CFAP92: variants seen among roughly 807,000 people sequenced by gnomAD.
CFAP92 encodes the protein cilia and flagella associated protein 92 (putative), also known as uncharacterized protein CFAP92.
In CFAP92, 86 loss-of-function variants were observed where a neutral mutation model predicts 106.3. The observed-to-expected ratio is 0.81, with a 90% confidence interval of 0.68 to 0.97. The LOEUF is 0.97. Ranked by LOEUF, CFAP92 falls within the 50% of genes least tolerant of loss-of-function variation. The pLI is 0.00. For synonymous variants in CFAP92, 477 were observed against 506.4 expected (o/e 0.94, Z 0.78); for missense variants, 1,204 against 1,283.8 (o/e 0.94, Z 0.95).
chr3:129,001,935 G>A (rs1159351752), intron 1 of CFAP92: 1 of 1,541,294 alleles, frequency 6.5e-7, no homozygotes, highest in Non-Finnish European at 8.8e-7. Flanking sequence ...AGCAGGTGAC[G>A]GGAACTCCAG....
At chr3:128,956,911 C>G (rs891933136) in intron 9 of CFAP92, among the ~76,000 whole-genome samples, 2 of 145,272 alleles carry the variant, frequency 1.4e-5, no homozygotes, top group African/African-American at 5.3e-5. Flanking sequence ...ACCCAGGAGG[C>G]AGACGTTGCA....
chr3:128,956,734 C>T (rs1297755401), intron 9 of CFAP92, among the ~76,000 whole-genome samples: 1 of 151,636 alleles, frequency 6.6e-6, no homozygotes, highest in African/African-American at 2.4e-5. Context: ...AACCCCAGCA[C>T]TTTGGGAGGC....
chr3:128,915,683 C>T, intron 13 of CFAP92, 120 bp from the exon 14 acceptor site: 1 of 687,534 alleles, frequency 1.5e-6, no homozygotes. Flanking sequence ...GTAAATAGTG[C>T]ATTGAGAGGA....
chr3:128,989,424 T>C (rs1944077151), intron 2 of CFAP92, among the ~76,000 whole-genome samples: 1 of 152,062 alleles, frequency 6.6e-6, no homozygotes, highest in Admixed American at 6.5e-5. Flanking sequence ...CAGGGGGACC[T>C]TAGCAGAGTC....
the CFAP92 span, among the ~76,000 whole-genome samples, chr3:129,011,459 G>A: frequency 6.6e-6 from 1 of 151,866 alleles, no homozygotes; most frequent in Non-Finnish European, 1.5e-5. Context: ...GCTGAGGCAG[G>A]AGAATTGCTT....
At chr3:128,948,432 C>T (rs184965348) in intron 9 of CFAP92, among the ~76,000 whole-genome samples, 2 of 138,144 alleles carry the variant, frequency 1.4e-5, no homozygotes, top group Non-Finnish European at 3.1e-5. Context: ...CCATGTTGCC[C>T]AGGCTGGTCT....
At chr3:129,003,102 T>C (rs1322781313), upstream of CFAP92, among the ~76,000 whole-genome samples, 1 of 152,040 alleles carries the variant, frequency 6.6e-6, no homozygotes, top group Non-Finnish European at 1.5e-5. Context: ...GAAACTGACA[T>C]TATATGACCC....
chr3:129,001,732 C>T (rs2107843878), intron 1 of CFAP92: 1 of 1,527,288 alleles, frequency 6.5e-7, no homozygotes, highest in East Asian at 2.6e-5. Context: ...AGCGCCCTGG[C>T]GCACCACTAC....
chr3:129,021,421 C>T, the CFAP92 span, among the ~76,000 whole-genome samples: 1 of 152,126 alleles, frequency 6.6e-6, no homozygotes, highest in Non-Finnish European at 1.5e-5. Context: ...ACTCATGGTG[C>T]TTAAGCTGCT....
At chr3:128,917,832 A>G (rs1936943620) in intron 12 of CFAP92, among the ~76,000 whole-genome samples, 1 of 152,236 alleles carries the variant, frequency 6.6e-6, no homozygotes, top group African/African-American at 2.4e-5. Flanking sequence ...AAAATTAGAA[A>G]CTGAGTATAG....
At chr3:129,009,714 G>A in the CFAP92 span, among the ~76,000 whole-genome samples, 1,337 of 152,316 alleles carry the variant, frequency 8.8e-3, 21 homozygotes, top group African/African-American at 0.03. Flanking sequence ...TCGCAGCCCA[G>A]TCCTTTTCTT....
chr3:129,004,961 G>T (rs1213097398), upstream of CFAP92, among the ~76,000 whole-genome samples: 1 of 152,200 alleles, frequency 6.6e-6, no homozygotes, highest in African/African-American at 2.4e-5. Context: ...TGGGGTCCCT[G>T]CCTGTGGGAG....
chr3:128,920,469 C>T (rs1171869572), intron 12 of CFAP92, among the ~76,000 whole-genome samples: 3 of 152,028 alleles, frequency 2.0e-5, no homozygotes, highest in Non-Finnish European at 1.5e-5. Flanking sequence ...TCACCAGACA[C>T]CTGGAACCTA....
chr3:128,925,663 TTTAAAAC>T (rs1937595322), intron 12 of CFAP92, among the ~76,000 whole-genome samples: 1 of 152,022 alleles, frequency 6.6e-6, no homozygotes, highest in South Asian at 2.1e-4. Context: ...TCCTAGAACT[TTTAAAAC>T]TTAAAAAAAA....
chr3:128,998,117 A>G (rs1944549746), upstream of CFAP92, among the ~76,000 whole-genome samples: 1 of 152,184 alleles, frequency 6.6e-6, no homozygotes, highest in Non-Finnish European at 1.5e-5. Flanking sequence ...GTCTGTTTGT[A>G]TCTTCACCCA....
Position 128,915,037 on chromosome 3 carries a change from C to T in CFAP92, c.3280+82G>A. 3.6e-6 allele frequency: 5 copies of T among 1,371,002 alleles called. No individual in the cohort carries two copies. The African/African-American group carries it at 4.3e-5, about 12-fold the overall frequency. 84.9% of individuals were successfully genotyped at this position (1,371,002 alleles called of 1,614,324 possible). A position where few individuals can be genotyped will look rare whatever the true frequency, so the allele number is the denominator to read the frequency against. On this transcript the variant is annotated intron_variant, in intron 15 of 15. Transcript: ENST00000645291. Reference sequence around the variant, plus strand: ...GTTGATAGTGTAAACAAAATGGATACCACTGAAGATGCAGAGTGGCACAGA... The same window carrying T: ...GTTGATAGTGTAAACAAAATGGATATCACTGAAGATGCAGAGTGGCACAGA...
Position 128,915,480 on chromosome 3 carries a change from T to G in CFAP92, c.3000A>C (p.Lys1000Asn). ...EPLDLKEEEK[K>N]AQKKSRQAWL... ...AGGCCTGGCGGGATTTCTTCTGGGC[T>G]TTCTTCTCCTCTTCCTTCAAGTCCA... The change falls in exon 14 of 16, where the codon AAA (lysine) becomes AAC (asparagine). Residue 1000 changes from lysine (K) to asparagine (N), a missense_variant. Transcript: ENST00000645291. The G allele has an allele frequency of 6.5e-7, 1 of 1,536,130 alleles. No homozygotes were observed. The highest frequency in any genetic ancestry group is 8.7e-7 in the Non-Finnish European group (1 of 1,146,904).
At position 128,913,251 on chromosome 3, in the gene CFAP92, G is replaced by A. The variant is rs1298205780; in HGVS notation, c.3280+1868C>T. On this transcript the variant is annotated intron_variant, in intron 15 of 15. Coordinates refer to ENST00000645291, the MANE Select transcript of CFAP92 (RefSeq NM_001394090.1). ...TGCAAGGAGGGCCCAGAATGCTAAG[G>A]AGCAGACACACAGTGCAGGCCACAA... is the stretch of plus-strand genomic sequence containing the variant. 5 of 360,380 alleles carry A rather than the reference G, an allele frequency of 1.4e-5. No homozygotes were observed. In the East Asian group the frequency reaches 3.7e-4, roughly 26 times the overall value. 22.3% of individuals were successfully genotyped at this position (360,380 alleles called of 1,614,324 possible).
At position 128,916,110 on chromosome 3, in the gene CFAP92, G is replaced by A. The variant is rs1202460558; in HGVS notation, c.2913C>T (p.Ala971=). The A allele has an allele frequency of 3.7e-5, 46 of 1,232,122 alleles. No individual in the cohort carries two copies. Among genetic ancestry groups the A allele is most frequent in the Non-Finnish European group, 4.5e-5 (44 of 988,092 alleles). 76.3% of individuals were successfully genotyped at this position (1,232,122 alleles called of 1,614,324 possible). The change falls in exon 13 of 16, where the codon GCC becomes GCT. Residue 971 remains alanine, a synonymous_variant. Coordinates refer to ENST00000645291, the MANE Select transcript of CFAP92 (RefSeq NM_001394090.1). ...LAKKELYQEI[A]KEPRKRFTYS... is the part of the protein sequence containing the mutation. Reference sequence around the variant, plus strand: ...TCATCCTGTCTGGGTCTCTCACCTTGGCTATCTCTTGATACAGCTCCTTCT... The same window carrying A: ...TCATCCTGTCTGGGTCTCTCACCTTAGCTATCTCTTGATACAGCTCCTTCT...
Sources: gnomAD v4.1 joint callset for allele counts (sites outside exome capture counted in the v4.1 genomes callset) on GRCh38, gnomAD v4.1.1 for gene constraint, MANE v1.5 for transcripts, NCBI Gene and HGNC (gene_info 2026-07-23, HGNC 2026-07-21) for gene names.